Variants in ZNF638 observed in about 807,000 individuals in gnomAD.
ZNF638 encodes zinc finger protein 638, also known as CTCL tumor antigen se33-1.
In ZNF638, 46 loss-of-function variants were observed where a neutral mutation model predicts 195.6. That is an observed-to-expected ratio of 0.24 (90% CI 0.19 to 0.30). The LOEUF (loss-of-function observed/expected upper bound fraction) is 0.30, where lower values mean the gene tolerates loss of function less well. ZNF638 is among the 10% of genes least tolerant of loss of function. The probability of loss-of-function intolerance (pLI) is 1.00; values close to 1 mark genes in which losing one functional copy is unlikely to be tolerated. For missense variants in ZNF638, 2,440 were observed against 2,325.3 expected (o/e 1.05, Z -1.01); for synonymous variants, 845 against 772.0 (o/e 1.09, Z -1.57).
chr2:71,393,875 A>G lies in ZNF638; in HGVS notation c.2378-2266A>G, dbSNP rs138101862. 3.0e-3 allele frequency among the ~76,000 whole-genome samples: 456 copies of G among 152,302 alleles called. 2 individuals are homozygous for G. The highest frequency in any genetic ancestry group is 0.011 in the African/African-American group (440 of 41,566). On this transcript the variant is annotated intron_variant, in intron 10 of 27. Coordinates refer to ENST00000264447, the MANE Select transcript of ZNF638 (RefSeq NM_014497.5). Reference sequence around the variant, plus strand: ...ACACATTGGACTAAGGTGCCAGGTAACACTACATATCACTCCATTATCTTC... The same window carrying G: ...ACACATTGGACTAAGGTGCCAGGTAGCACTACATATCACTCCATTATCTTC...
intron 12 of ZNF638, 56 bp from the exon 13 acceptor site, chr2:71,399,503 C>T: frequency 7.9e-7 from 1 of 1,260,512 alleles, no homozygotes; most frequent in Non-Finnish European, 1.1e-6. Flanking sequence ...TAGTGTGAAA[C>T]ATGCTAAATG....
At chr2:71,355,154 G>T (rs12986698) in intron 2 of ZNF638, among the ~76,000 whole-genome samples, 1 of 151,896 alleles carries the variant, frequency 6.6e-6, no homozygotes, top group African/African-American at 2.4e-5. Context: ...ATTTTTAGTA[G>T]AGACAGGGTT....
intron 10 of ZNF638, among the ~76,000 whole-genome samples, chr2:71,384,916 A>G (rs1013240289): frequency 7.3e-6 from 1 of 137,696 alleles, no homozygotes; most frequent in Non-Finnish European, 1.5e-5. Context: ...TATTTTCCCA[A>G]TAAAAGCCCT....
At chr2:71,348,629 A>G (rs2078894189) in intron 1 of ZNF638, 124 bp from the exon 2 acceptor site, 1 of 1,244,714 alleles carries the variant, frequency 8.0e-7, no homozygotes, top group Non-Finnish European at 1.0e-6. Context: ...CCCTTACTCT[A>G]AAAGTATATG....
chr2:71,369,763 A>T, intron 7 of ZNF638, 120 bp from the exon 8 acceptor site: 7 of 992,242 alleles, frequency 7.1e-6, no homozygotes, highest in East Asian at 2.9e-5. Flanking sequence ...GGCAAAAGCA[A>T]CCATGACTTG....
intron 26 of ZNF638, among the ~76,000 whole-genome samples, chr2:71,431,965 A>T (rs1444632943): frequency 1.3e-5 from 2 of 152,184 alleles, no homozygotes; most frequent in Non-Finnish European, 2.9e-5. Flanking sequence ...CTCCTCTTTT[A>T]TTCCTGGTGC....
chr2:71,367,990 G>T (rs578142793), intron 6 of ZNF638, among the ~76,000 whole-genome samples: 1 of 152,122 alleles, frequency 6.6e-6, no homozygotes, highest in Admixed American at 6.5e-5. Flanking sequence ...TAGAACAGAG[G>T]GGGTAAGCAA....
At chr2:71,390,511 G>A (rs1057060748) in intron 10 of ZNF638, among the ~76,000 whole-genome samples, 4 of 152,096 alleles carry the variant, frequency 2.6e-5, no homozygotes, top group African/African-American at 7.2e-5. Context: ...TAGTTATGAT[G>A]GAGTGTAAAG....
rs769069879 is a variant in ZNF638 at position 71,423,543 on chromosome 2, G to A, written c.4029G>A (p.Val1343=). The A allele has an allele frequency of 1.2e-6, 2 of 1,614,022 alleles. No homozygotes were observed. The highest frequency in any genetic ancestry group is 1.1e-5 in the South Asian group (1 of 91,080). ...AAGGTAGGATGGATGCAGAAAAGGT[G>A]GAAAAGATGGCAGCAATGAAAGAAA... ...KNEGRMDAEK[V]EKMAAMKEKP... Residue 1343 remains valine, a synonymous_variant, in exon 22 of 28, where the codon GTG becomes GTA. Transcript: ENST00000264447.
intron 8 of ZNF638, among the ~76,000 whole-genome samples, chr2:71,372,156 T>G (rs2079325757): frequency 6.6e-6 from 1 of 152,128 alleles, no homozygotes; most frequent in Admixed American, 6.5e-5. Flanking sequence ...GGTACCTCCC[T>G]AGGTTACATG....
intron 27 of ZNF638, among the ~76,000 whole-genome samples, chr2:71,433,779 C>T (rs890358362): frequency 2.0e-5 from 3 of 152,154 alleles, no homozygotes; most frequent in African/African-American, 7.2e-5. Flanking sequence ...TTTCGTACAT[C>T]CTCTCTGTTG....
chr2:71,433,049 T>A (rs2080699240), intron 26 of ZNF638, 116 bp from the exon 27 acceptor site: 2 of 819,126 alleles, frequency 2.4e-6, no homozygotes, highest in Non-Finnish European at 4.0e-6. Context: ...ATCGCGCCAC[T>A]GCCCTCCAAC....
intron 10 of ZNF638, among the ~76,000 whole-genome samples, chr2:71,391,157 A>G (rs769409868): frequency 3.9e-5 from 6 of 152,206 alleles, no homozygotes; most frequent in Non-Finnish European, 8.8e-5. Context: ...AGGTCTGGGA[A>G]ATGGGGACTT....
At position 71,402,106 on chromosome 2, in the gene ZNF638, C is replaced by T; in HGVS notation, c.2829+19C>T. ...TAAAAAGGTAAGAGTTGATTAATAG[C>T]TGTTCATATCCTCTGCAAGCATGCA... On this transcript the variant is annotated intron_variant, in intron 16 of 27. Transcript: ENST00000264447. 1 of 1,595,728 alleles carries T rather than the reference C, an allele frequency of 6.3e-7. No homozygotes were observed. The highest frequency in any genetic ancestry group is 8.5e-7 in the Non-Finnish European group (1 of 1,171,956).
In ZNF638 at chr2:71,426,989, C is replaced by G. The variant is rs1400344904; in HGVS notation, c.5120C>G (p.Thr1707Ser). Reference sequence around the variant, plus strand: ...GACATAACTTTTGCCACTTTAAATACTAAAGGAAATGAAGGAGATACTGTA... The same window carrying G: ...GACATAACTTTTGCCACTTTAAATAGTAAAGGAAATGAAGGAGATACTGTA... The part of the protein sequence containing the change: ...SADITFATLN[T>S]KGNEGDTVRD... The change falls in exon 24 of 28, where the codon ACT becomes AGT. Residue 1707 changes from threonine (T) to serine (S), a missense_variant. Thr to Ser is a moderately conservative substitution (Grantham distance 58). This residue lies in a region of ZNF638 where 1,883 missense variants were observed against 1,739.1 expected (regional missense o/e 1.08). Transcript: ENST00000264447. 1 of 1,612,114 alleles carries G rather than the reference C, an allele frequency of 6.2e-7. No homozygotes were observed. The highest frequency in any genetic ancestry group is 1.3e-5 in the African/African-American group (1 of 74,800).
At chr2:71,405,370 G>GAATATA (rs2080086020) in intron 17 of ZNF638, among the ~76,000 whole-genome samples, 4 of 152,092 alleles carry the variant, frequency 2.6e-5, no homozygotes, top group Admixed American at 2.6e-4. Context: ...TATCTTATTA[G>GAATATA]TCTTTTATAT....
intron 8 of ZNF638, among the ~76,000 whole-genome samples, chr2:71,370,372 C>T (rs1297580193): frequency 1.3e-5 from 2 of 152,282 alleles, no homozygotes; most frequent in East Asian, 3.9e-4. Flanking sequence ...AACTTGATTT[C>T]TAATGCCATA....
Position 71,433,152 on chromosome 2 carries a change from TC to T in ZNF638, c.5753-12del. On this transcript the variant is annotated splice_polypyrimidine_tract_variant and intron_variant, in intron 26 of 27. Coordinates refer to ENST00000264447, the MANE Select transcript of ZNF638 (RefSeq NM_014497.5). The stretch of plus-strand genomic sequence containing the variant: ...TATTGTTAATTTTCTTCTTGTCTCT[TC>T]TTATCCTCTAGAATTAGACTTTCTT... 3 of 1,527,100 alleles carry T rather than the reference TC, an allele frequency of 2.0e-6. No individual in the cohort carries two copies. The South Asian group carries it at 3.4e-5, about 17-fold the overall frequency. The allele number at this position is 1,527,100 out of a possible 1,614,324, so 94.6% of individuals were successfully genotyped here. A position where few individuals can be genotyped will look rare whatever the true frequency, so the allele number is the denominator to read the frequency against.
intron 8 of ZNF638, among the ~76,000 whole-genome samples, chr2:71,372,676 C>T (rs990341944): frequency 6.6e-6 from 1 of 152,138 alleles, no homozygotes; most frequent in African/African-American, 2.4e-5. Context: ...ATTTGGTGTT[C>T]CTGCTGGGGA....
Sources: gnomAD v4.1 joint callset for allele counts (sites outside exome capture counted in the v4.1 genomes callset) on GRCh38, gnomAD v4.1.1 for gene constraint, gnomAD v4.1.1 regional missense constraint, MANE v1.5 for transcripts, NCBI Gene and HGNC (gene_info 2026-07-23, HGNC 2026-07-21) for gene names.